Variants in OPA1 observed in about 807,000 individuals in gnomAD.
The protein encoded by OPA1 is OPA1 mitochondrial dynamin like GTPase, also known as dynamin-like GTPase OPA1, mitochondrial.
In OPA1, 59 loss-of-function variants were observed where a neutral mutation model predicts 152.9. That is an observed-to-expected ratio of 0.39 (90% confidence interval 0.31 to 0.48). OPA1 has a LOEUF of 0.48. Ranked by LOEUF, OPA1 falls within the 20% of genes least tolerant of loss-of-function variation. The pLI is 0.96. For missense variants in OPA1, 1,008 were observed against 1,216.8 expected, an observed-to-expected ratio of 0.83 and a Z score of 2.55; for synonymous variants, 400 against 389.9, an observed-to-expected ratio of 1.03 and a Z score of -0.31.
At position 193,647,096 on chromosome 3, in the gene OPA1, A is replaced by G; in HGVS notation, c.1786A>G (p.Thr596Ala). The change falls in exon 19 of 31, where the codon ACA (threonine) becomes GCA (alanine). Residue 596 changes from threonine to alanine, a missense_variant. Around this residue, in one of 7 missense-constraint regions of OPA1, gnomAD observed 213 missense variants for 291.4 expected, o/e 0.73. Transcript: ENST00000361510. ...TSMLKAHQVT[T>A]RNLSLAVSDC... ...CATGCTAAAGGCACACCAAGTGACTACAAGAAATTTAAGCCTTGCAGTATC... is the reference window on the plus strand; with the variant it reads ...CATGCTAAAGGCACACCAAGTGACTGCAAGAAATTTAAGCCTTGCAGTATC... 1 of 1,612,986 alleles carries G rather than the reference A, an allele frequency of 6.2e-7. No homozygotes were observed. The highest frequency in any genetic ancestry group is 8.5e-7 in the Non-Finnish European group (1 of 1,179,566).
chr3:193,683,003 G>A (rs1205020689), intron 29 of OPA1, among the ~76,000 whole-genome samples: 1 of 151,944 alleles, frequency 6.6e-6, no homozygotes, highest in Non-Finnish European at 1.5e-5. Context: ...AAAAGGAAAA[G>A]CTTCTGGAAA....
intron 7 of OPA1, among the ~76,000 whole-genome samples, chr3:193,630,839 T>C (rs1731963875): frequency 1.3e-5 from 2 of 152,182 alleles, no homozygotes; most frequent in South Asian, 4.1e-4. Flanking sequence ...TAAAACCTGT[T>C]ATAAAATAAA....
At chr3:193,615,144 A>G in intron 2 of OPA1, 103 bp downstream of exon 2, 2 of 928,680 alleles carry the variant, frequency 2.2e-6, no homozygotes. Flanking sequence ...ATGTTTAAAC[A>G]TTTATTTTGT....
chr3:193,631,150 TATAAG>T (rs1732015808), intron 7 of OPA1, among the ~76,000 whole-genome samples: 1 of 152,232 alleles, frequency 6.6e-6, no homozygotes, highest in African/African-American at 2.4e-5. Context: ...AATATTTCCT[TATAAG>T]ATACACTGTG....
Position 193,629,917 on chromosome 3 carries a change from A to G in OPA1, c.790-1695A>G, listed in dbSNP as rs964378205. ...GTTAGTATTTACATTTAAAACTAAAACAATTTATACTAATACAGTTTATAC... is the reference window on the plus strand; with the variant it reads ...GTTAGTATTTACATTTAAAACTAAAGCAATTTATACTAATACAGTTTATAC... On this transcript the variant is annotated intron_variant, in intron 7 of 30. Transcript: ENST00000361510. 2.8e-4 allele frequency among the ~76,000 whole-genome samples: 43 copies of G among 152,346 alleles called. No homozygotes were observed. The South Asian group carries it at 4.4e-3, about 15-fold the overall frequency.
intron 29 of OPA1, among the ~76,000 whole-genome samples, chr3:193,673,290 A>G (rs1303533347): frequency 1.3e-5 from 2 of 152,220 alleles, no homozygotes; most frequent in Non-Finnish European, 1.5e-5. Flanking sequence ...TCGGAAAGAC[A>G]TACATGTTAG....
chr3:193,659,426 A>G (rs1714693820), intron 24 of OPA1, 56 bp from the exon 25 acceptor site: 2 of 1,360,598 alleles, frequency 1.5e-6, no homozygotes, highest in Non-Finnish European at 2.1e-6. Context: ...ATTATTAGTT[A>G]TAATTTGTGT....
At chr3:193,643,506 A>T in intron 14 of OPA1, 22 bp from the exon 15 acceptor site, 1 of 1,610,940 alleles carries the variant, frequency 6.2e-7, no homozygotes, top group Non-Finnish European at 8.5e-7. Context: ...TTATAATGAC[A>T]TTTAAAACCT....
chr3:193,618,617 G>T, intron 5 of OPA1: 1 of 446,040 alleles, frequency 2.2e-6, no homozygotes, highest in African/African-American at 2.0e-5. Context: ...TTTTTTTATT[G>T]TAATTTTCAG....
chr3:193,677,958 G>A (rs1224676849), intron 29 of OPA1, among the ~76,000 whole-genome samples: 5 of 152,162 alleles, frequency 3.3e-5, no homozygotes, highest in African/African-American at 1.2e-4. Flanking sequence ...CTCATATCCT[G>A]TAACTATGCA....
At chr3:193,631,751 A>G (rs1305343053) in intron 8 of OPA1, 86 bp downstream of exon 8, 4 of 1,157,450 alleles carry the variant, frequency 3.5e-6, no homozygotes, top group Non-Finnish European at 5.2e-6. Context: ...TATTTTTTCA[A>G]CAGAGCAAAA....
chr3:193,602,421 T>C (rs367775242), intron 1 of OPA1, among the ~76,000 whole-genome samples: 16 of 152,220 alleles, frequency 1.1e-4, no homozygotes, highest in African/African-American at 3.9e-4. Context: ...TTGGTGGATC[T>C]TGAAATGCTT....
intron 1 of OPA1, 71 bp downstream of exon 1, chr3:193,593,480 C>A: frequency 7.2e-7 from 1 of 1,398,110 alleles, no homozygotes; most frequent in Non-Finnish European, 9.5e-7. Flanking sequence ...TTATCTCTAT[C>A]TCCAAAAATG....
chr3:193,607,872 A>G (rs1276268416), intron 1 of OPA1, among the ~76,000 whole-genome samples: 2 of 152,142 alleles, frequency 1.3e-5, no homozygotes, highest in African/African-American at 4.8e-5. Flanking sequence ...TTTTCACGAT[A>G]TTGATTCTTC....
chr3:193,644,189 A>C (rs1271538372), intron 16 of OPA1, 84 bp downstream of exon 16: 2 of 1,496,702 alleles, frequency 1.3e-6, no homozygotes, highest in Non-Finnish European at 1.9e-6. Flanking sequence ...AAAAAACAAC[A>C]ACAACAACAA....
chr3:193,672,744 C>T (rs1229129923), intron 29 of OPA1, among the ~76,000 whole-genome samples: 1 of 151,958 alleles, frequency 6.6e-6, no homozygotes, highest in Non-Finnish European at 1.5e-5. Flanking sequence ...TGGCAGGCGC[C>T]TGTAATTCCA....
chr3:193,668,764 A>G (rs1254533571), intron 29 of OPA1: 5 of 1,232,422 alleles, frequency 4.1e-6, no homozygotes, highest in Non-Finnish European at 4.1e-6. Flanking sequence ...GCTTGGCCCT[A>G]CTAATAATCA....
intron 3 of OPA1, among the ~76,000 whole-genome samples, chr3:193,616,300 G>T (rs975865231): frequency 6.6e-6 from 1 of 152,098 alleles, no homozygotes. Flanking sequence ...GAGCCACTAT[G>T]CCTGGCTTGA....
At chr3:193,599,936 A>T (rs945984599) in intron 1 of OPA1, among the ~76,000 whole-genome samples, 6 of 152,228 alleles carry the variant, frequency 3.9e-5, no homozygotes, top group African/African-American at 1.4e-4. Flanking sequence ...GATTGGTTAC[A>T]GCTCGGCGTT....
Sources: allele counts gnomAD v4.1 joint callset (sites outside exome capture counted in the v4.1 genomes callset), GRCh38; gene constraint gnomAD v4.1.1; regional missense constraint gnomAD v4.1.1; transcripts MANE v1.5; gene names NCBI Gene and HGNC (gene_info 2026-07-23, HGNC 2026-07-21).